PBX3: variants seen among roughly 807,000 people sequenced by gnomAD.
PBX3 encodes the protein PBX homeobox 3.
Under a neutral mutation model 48.5 loss-of-function variants are expected in PBX3, and 14 were observed. The observed-to-expected ratio is 0.29, with a 90% CI of 0.19 to 0.45. PBX3 has a LOEUF of 0.45. PBX3 is among the 20% of genes least tolerant of loss of function. The pLI is 1.00. For synonymous variants in PBX3, 210 were observed against 200.3 expected (o/e 1.05, Z -0.41); for missense variants, 386 against 546.7 (o/e 0.71, Z 2.93).
At chr9:125,866,375 T>C (rs984342672) in intron 2 of PBX3, among the ~76,000 whole-genome samples, 2 of 152,216 alleles carry the variant, frequency 1.3e-5, no homozygotes, top group African/African-American at 2.4e-5. Flanking sequence ...GTTTAAAATA[T>C]GGCATTATTC....
intron 2 of PBX3, among the ~76,000 whole-genome samples, chr9:125,868,416 C>A (rs1417281215): frequency 6.6e-6 from 1 of 152,164 alleles, no homozygotes; most frequent in Non-Finnish European, 1.5e-5. Context: ...TGGCATAGAA[C>A]ACTTAAACAT....
chr9:125,825,095 A>G (rs1003563908), intron 2 of PBX3, among the ~76,000 whole-genome samples: 2 of 152,144 alleles, frequency 1.3e-5, no homozygotes, highest in Non-Finnish European at 2.9e-5. Flanking sequence ...ACCAGCCTGG[A>G]TAACATGGCG....
intron 2 of PBX3, among the ~76,000 whole-genome samples, chr9:125,827,357 A>T (rs1838837530): frequency 6.6e-6 from 1 of 152,174 alleles, no homozygotes; most frequent in Non-Finnish European, 1.5e-5. Context: ...TTATTTTTAA[A>T]AAATATCCAT....
chr9:125,938,179 A>T (rs1841880040), intron 5 of PBX3, among the ~76,000 whole-genome samples: 1 of 152,220 alleles, frequency 6.6e-6, no homozygotes, highest in South Asian at 2.1e-4. Flanking sequence ...ATAATAGGGA[A>T]ACTTCAGAAG....
chr9:125,777,010 C>CTTTT (rs1299800849), intron 2 of PBX3, among the ~76,000 whole-genome samples: 1 of 94,298 alleles, frequency 1.1e-5, no homozygotes, highest in East Asian at 3.0e-4. Context: ...TTTTTCTTTT[C>CTTTT]TTTTCTTTTT....
intron 2 of PBX3, among the ~76,000 whole-genome samples, chr9:125,903,725 C>G (rs965797025): frequency 6.6e-6 from 1 of 151,572 alleles, no homozygotes; most frequent in Non-Finnish European, 1.5e-5. Context: ...TTTAAATGAC[C>G]CAAAACCAAC....
intron 2 of PBX3, among the ~76,000 whole-genome samples, chr9:125,886,000 C>A (rs1476885886): frequency 6.6e-6 from 1 of 152,002 alleles, no homozygotes; most frequent in East Asian, 1.9e-4. Context: ...AGTCTTTGTT[C>A]TTGTTTATAA....
chr9:125,845,671 C>A (rs1190808513), intron 2 of PBX3, among the ~76,000 whole-genome samples: 1 of 151,990 alleles, frequency 6.6e-6, no homozygotes, highest in African/African-American at 2.4e-5. Flanking sequence ...GAAAGAGTGA[C>A]CAGCATGTAG....
intron 2 of PBX3, among the ~76,000 whole-genome samples, chr9:125,883,373 T>C (rs1008094119): frequency 1.3e-5 from 2 of 152,222 alleles, no homozygotes; most frequent in African/African-American, 4.8e-5. Context: ...ATGAAAACAG[T>C]GAACCTAAGT....
At chr9:125,864,696 T>G (rs1290729532) in intron 2 of PBX3, among the ~76,000 whole-genome samples, 1 of 152,194 alleles carries the variant, frequency 6.6e-6, no homozygotes, top group Non-Finnish European at 1.5e-5. Context: ...TCTGCTGATC[T>G]GACAGGAAGC....
intron 4 of PBX3, among the ~76,000 whole-genome samples, chr9:125,934,046 C>G (rs1422248215): frequency 6.6e-6 from 1 of 152,106 alleles, no homozygotes; most frequent in South Asian, 2.1e-4. Context: ...ACCACCTCCC[C>G]ATCCAGTTCA....
chr9:125,772,032 T>C (rs986413055), intron 2 of PBX3, among the ~76,000 whole-genome samples: 5 of 152,280 alleles, frequency 3.3e-5, no homozygotes, highest in South Asian at 2.1e-4. Flanking sequence ...GTGGTAGATA[T>C]ATGAAAAGTA....
In PBX3 at chr9:125,965,872, G is replaced by C. The variant is rs111373780; in HGVS notation, c.1254G>C (p.Val418=). Residue 418 remains valine, a synonymous_variant, in exon 9 of 9, where the codon GTG becomes GTC. Transcript: ENST00000373489. Reference sequence around the variant, plus strand: ...AGGACGCAACAACTCCATCTTCTGTGACTTCTCCTACAGAAGGCCCAGGAA... The same window carrying C: ...AGGACGCAACAACTCCATCTTCTGTCACTTCTCCTACAGAAGGCCCAGGAA... ...GWQDATTPSS[V]TSPTEGPGSV... 2.9e-4 allele frequency: 465 copies of C among 1,614,112 alleles called. 1 individual carries two copies. The African/African-American group carries it at 5.3e-3, about 18-fold the overall frequency.
intron 2 of PBX3, among the ~76,000 whole-genome samples, chr9:125,750,309 T>G (rs900068577): frequency 9.2e-5 from 14 of 152,206 alleles, no homozygotes; most frequent in African/African-American, 3.4e-4. Context: ...TTCTCATTAT[T>G]TGTATTTATT....
intron 2 of PBX3, among the ~76,000 whole-genome samples, chr9:125,781,953 G>A (rs1394043369): frequency 4.6e-5 from 7 of 151,024 alleles, no homozygotes; most frequent in South Asian, 4.2e-4. Flanking sequence ...TTGTGTTTGC[G>A]TTTTTAATTG....
chr9:125,846,414 G>T (rs1431448706), intron 2 of PBX3, among the ~76,000 whole-genome samples: 2 of 151,956 alleles, frequency 1.3e-5, no homozygotes, highest in African/African-American at 2.4e-5. Flanking sequence ...AGCTTAAAAA[G>T]ATTTATTTTC....
At chr9:125,801,086 C>G (rs902882394) in intron 2 of PBX3, among the ~76,000 whole-genome samples, 6 of 152,080 alleles carry the variant, frequency 3.9e-5, no homozygotes, top group Non-Finnish European at 5.9e-5. Context: ...TTCTGTATCT[C>G]CAGTGTTGGC....
At chr9:125,787,245 T>G (rs1057021773) in intron 2 of PBX3, among the ~76,000 whole-genome samples, 1 of 152,130 alleles carries the variant, frequency 6.6e-6, no homozygotes, top group African/African-American at 2.4e-5. Context: ...CTCGCTGTGT[T>G]GCCTAGGCTG....
intron 2 of PBX3, among the ~76,000 whole-genome samples, chr9:125,765,243 G>A (rs1471432335): frequency 1.3e-5 from 2 of 150,486 alleles, no homozygotes; most frequent in African/African-American, 2.4e-5. Flanking sequence ...TCTGCCTCCC[G>A]GCTCAAGTGA....
Sources: gnomAD v4.1 joint callset for allele counts (sites outside exome capture counted in the v4.1 genomes callset) on GRCh38, gnomAD v4.1.1 for gene constraint, MANE v1.5 for transcripts, NCBI Gene and HGNC (gene_info 2026-07-23, HGNC 2026-07-21) for gene names.